The following DHRSX variants were observed in gnomAD, a reference collection of about 807,000 sequenced individuals.
The protein encoded by DHRSX is polyprenol dehydrogenase.
A neutral mutation model predicts 34.0 loss-of-function variants in DHRSX; 31 were observed. The observed-to-expected ratio is 0.91, with a 90% confidence interval of 0.69 to 1.23. The LOEUF is 1.23. DHRSX is among the 50% of genes most tolerant of loss of function. The pLI is 0.00. For missense variants in DHRSX, 414 were observed against 428.1 expected, an observed-to-expected ratio of 0.97 and a Z score of 0.29; for synonymous variants, 201 against 183.8, an observed-to-expected ratio of 1.09 and a Z score of -0.76.
chrX:2,477,323 C>T (rs1378473059), intron 1 of DHRSX, among the ~76,000 whole-genome samples: 3 of 152,208 alleles, frequency 2.0e-5, no homozygotes, highest in African/African-American at 7.2e-5. Context: ...AAGGTGCCCA[C>T]AGCATCCTCA....
chrX:2,488,494 T>A (rs2045011065), intron 1 of DHRSX: 1 of 1,166,824 alleles, frequency 8.6e-7, no homozygotes, highest in Admixed American at 3.0e-5. Flanking sequence ...TTCTCAAATC[T>A]CTTTCCTTTT....
intron 4 of DHRSX, among the ~76,000 whole-genome samples, chrX:2,274,694 G>A (rs1371919448): frequency 2.6e-5 from 4 of 151,162 alleles, no homozygotes; most frequent in African/African-American, 9.7e-5. Flanking sequence ...GCCTCCCAAA[G>A]TGCTGGGATC....
At chrX:2,348,702 T>A (rs1454958350) in intron 3 of DHRSX, among the ~76,000 whole-genome samples, 4 of 151,898 alleles carry the variant, frequency 2.6e-5, no homozygotes, top group South Asian at 4.2e-4. Flanking sequence ...ATTTTTTTTT[T>A]TTTTATTTTG....
intron 3 of DHRSX, among the ~76,000 whole-genome samples, chrX:2,350,037 G>C (rs2042770755): frequency 6.8e-6 from 1 of 147,790 alleles, no homozygotes; most frequent in Non-Finnish European, 1.5e-5. Context: ...TCTGTCTCAA[G>C]AAAAAAAATA....
intron 4 of DHRSX, among the ~76,000 whole-genome samples, chrX:2,282,611 AAG>A (rs1219417825): frequency 2.3e-5 from 3 of 133,324 alleles, no homozygotes; most frequent in Admixed American, 7.5e-5. Context: ...AGAGAGAAGA[AAG>A]AGGGGAGGGA....
chrX:2,261,460 C>G (rs1014511453), intron 5 of DHRSX: 11 of 151,748 alleles, frequency 7.2e-5, no homozygotes, highest in African/African-American at 2.4e-4. Context: ...ATGTGATCTG[C>G]TTATCTTCAT....
At chrX:2,371,914 G>T (rs1287628298) in intron 3 of DHRSX, among the ~76,000 whole-genome samples, 2 of 152,186 alleles carry the variant, frequency 1.3e-5, no homozygotes, top group Non-Finnish European at 2.9e-5. Flanking sequence ...CTCTCTGCAG[G>T]AAAGTCCATA....
At chrX:2,353,190 G>A (rs1238795644) in intron 3 of DHRSX, among the ~76,000 whole-genome samples, 2 of 152,150 alleles carry the variant, frequency 1.3e-5, no homozygotes, top group African/African-American at 2.4e-5. Flanking sequence ...ATTGCAGTGA[G>A]CCAAGACTGC....
chrX:2,288,791 A>G (rs182558410), intron 4 of DHRSX, among the ~76,000 whole-genome samples: 1 of 152,352 alleles, frequency 6.6e-6, no homozygotes, highest in East Asian at 1.9e-4. Flanking sequence ...TAGGGTACAG[A>G]GACAATCCAA....
intron 2 of DHRSX, among the ~76,000 whole-genome samples, chrX:2,420,275 G>T (rs1438364468): frequency 1.3e-5 from 2 of 151,892 alleles, no homozygotes; most frequent in Non-Finnish European, 2.9e-5. Context: ...TGGTGTGCTG[G>T]CACGCGCCTG....
chrX:2,232,182 A>G (rs2015910572), intron 6 of DHRSX, among the ~76,000 whole-genome samples: 1 of 150,632 alleles, frequency 6.6e-6, no homozygotes, highest in South Asian at 2.1e-4. Flanking sequence ...ATCAATTTAC[A>G]GTATAATCCA....
chrX:2,316,980 CG>C (rs2042248020), intron 3 of DHRSX, among the ~76,000 whole-genome samples: 1 of 152,144 alleles, frequency 6.6e-6, no homozygotes, highest in Admixed American at 6.6e-5. Flanking sequence ...CTTTTTGAGA[CG>C]GAGTCTCCCT....
At chrX:2,316,682 C>T (rs1308744062) in intron 3 of DHRSX, among the ~76,000 whole-genome samples, 2 of 152,156 alleles carry the variant, frequency 1.3e-5, no homozygotes, top group Non-Finnish European at 2.9e-5. Flanking sequence ...GATGATCTCT[C>T]CTTTGATTAA....
chrX:2,481,715 T>C (rs1376181947), intron 1 of DHRSX, among the ~76,000 whole-genome samples: 1 of 152,008 alleles, frequency 6.6e-6, no homozygotes, highest in Non-Finnish European at 1.5e-5. Context: ...AGAGATGACC[T>C]TCCAGTGAGC....
intron 1 of DHRSX, among the ~76,000 whole-genome samples, chrX:2,484,784 A>G (rs1241867246): frequency 2.6e-5 from 4 of 151,958 alleles, no homozygotes; most frequent in Admixed American, 6.6e-5. Flanking sequence ...CACATCTGAG[A>G]CTCGCAGAAG....
intron 6 of DHRSX, among the ~76,000 whole-genome samples, chrX:2,232,143 T>C (rs2015909389): frequency 6.6e-6 from 1 of 151,428 alleles, no homozygotes; most frequent in Admixed American, 6.6e-5. Context: ...CCTTCCTCTT[T>C]CTCCTCCTCT....
chrX:2,275,935 C>A (rs1388983567), intron 4 of DHRSX, among the ~76,000 whole-genome samples: 1 of 152,014 alleles, frequency 6.6e-6, no homozygotes, highest in Non-Finnish European at 1.5e-5. Flanking sequence ...CCTCTGCCTC[C>A]CGGGTTCCAG....
chrX:2,380,031 T>G (rs368090729), intron 3 of DHRSX, among the ~76,000 whole-genome samples: 205 of 152,130 alleles, frequency 1.3e-3, no homozygotes, highest in African/African-American at 4.8e-3. Context: ...GCCCATTCGC[T>G]CACACCTGTA....
chrX:2,235,501 C>A (rs1416668684), intron 6 of DHRSX, among the ~76,000 whole-genome samples: 1 of 149,264 alleles, frequency 6.7e-6, no homozygotes, highest in Non-Finnish European at 1.5e-5. Flanking sequence ...TCCCAGCACT[C>A]TGGGAGGCCG....
Sources: allele counts gnomAD v4.1 joint callset (sites outside exome capture counted in the v4.1 genomes callset), GRCh38; gene constraint gnomAD v4.1.1; transcripts MANE v1.5; gene names NCBI Gene and HGNC (gene_info 2026-07-23, HGNC 2026-07-21).